Variants in KMT2C observed in about 807,000 individuals in gnomAD.
KMT2C encodes lysine methyltransferase 2C, also known as histone-lysine N-methyltransferase 2C.
A neutral mutation model predicts 507.9 loss-of-function variants in KMT2C; 88 were observed. The ratio of observed to expected loss-of-function variants is 0.17; its 90% CI spans 0.15 to 0.21. The LOEUF (loss-of-function observed/expected upper bound fraction) is 0.21, where lower values mean the gene tolerates loss of function less well. Ranked by LOEUF, KMT2C falls within the 10% of genes least tolerant of loss-of-function variation. The probability of loss-of-function intolerance (pLI) is 1.00; values close to 1 mark genes in which losing one functional copy is unlikely to be tolerated. For missense variants in KMT2C, 4,954 were observed against 5,957.8 expected (o/e 0.83, Z 5.55); for synonymous variants, 2,049 against 2,080.8 (o/e 0.98, Z 0.42).
chr7:152,276,565 C>G (rs2096083473), intron 6 of KMT2C, among the ~76,000 whole-genome samples: 1 of 152,012 alleles, frequency 6.6e-6, no homozygotes, highest in South Asian at 2.1e-4. Flanking sequence ...CCAGCCTGGG[C>G]AACATGGTGA....
chr7:152,165,423 T>C (rs997745708), intron 42 of KMT2C, among the ~76,000 whole-genome samples: 1 of 152,150 alleles, frequency 6.6e-6, no homozygotes, highest in Admixed American at 6.5e-5. Context: ...GCAATGAAAG[T>C]GCTAAAAAAA....
intron 2 of KMT2C, among the ~76,000 whole-genome samples, chr7:152,334,763 G>A (rs1175985480): frequency 1.3e-5 from 2 of 152,220 alleles, no homozygotes; most frequent in Admixed American, 6.5e-5. Context: ...ATGGCAGAGA[G>A]ACAAGACAGA....
intron 6 of KMT2C, among the ~76,000 whole-genome samples, chr7:152,305,825 T>C (rs934506609): frequency 2.0e-5 from 3 of 152,192 alleles, no homozygotes; most frequent in Non-Finnish European, 2.9e-5. Flanking sequence ...GCTTACCTTG[T>C]ATTTTCTCTG....
At chr7:152,226,334 A>G (rs1003182566) in intron 18 of KMT2C, among the ~76,000 whole-genome samples, 2 of 150,130 alleles carry the variant, frequency 1.3e-5, no homozygotes, top group African/African-American at 4.9e-5. Flanking sequence ...CCATGTTCAA[A>G]TAATTCTCCT....
chr7:152,410,170 G>A (rs1437007175), intron 1 of KMT2C, among the ~76,000 whole-genome samples: 4 of 152,032 alleles, frequency 2.6e-5, no homozygotes, highest in Non-Finnish European at 5.9e-5. Context: ...CTAGCACTTT[G>A]GGAGGCCAAG....
chr7:152,423,092 A>G (rs866918968), intron 1 of KMT2C, among the ~76,000 whole-genome samples: 2 of 152,030 alleles, frequency 1.3e-5, no homozygotes, highest in Admixed American at 6.6e-5. Flanking sequence ...TGTAATTCCA[A>G]AACTTTGGGA....
intron 6 of KMT2C, among the ~76,000 whole-genome samples, chr7:152,290,258 G>GTGTGTGTGTATATA (rs1337492088): frequency 3.4e-4 from 9 of 26,242 alleles, no homozygotes; most frequent in African/African-American, 1.3e-3. Context: ...GTGTGTATGT[G>GTGTGTGTGTATATA]TATATATATA....
intron 23 of KMT2C, among the ~76,000 whole-genome samples, chr7:152,213,645 T>C (rs1200051815): frequency 6.6e-6 from 1 of 151,972 alleles, no homozygotes; most frequent in African/African-American, 2.4e-5. Context: ...CTCCTTGATA[T>C]CCTCCTTGAC....
chr7:152,397,834 C>A (rs762529015), intron 1 of KMT2C, among the ~76,000 whole-genome samples: 1 of 152,126 alleles, frequency 6.6e-6, no homozygotes, highest in Non-Finnish European at 1.5e-5. Context: ...GTAAGACATG[C>A]CTTCTGCTGT....
At chr7:152,315,551 A>T (rs2096714454) in intron 3 of KMT2C, among the ~76,000 whole-genome samples, 1 of 152,236 alleles carries the variant, frequency 6.6e-6, no homozygotes. Context: ...ATAGCATTTT[A>T]AAAAGTAGTA....
chr7:152,368,506 A>C, intron 1 of KMT2C: 1 of 1,331,388 alleles, frequency 7.5e-7, no homozygotes, highest in Non-Finnish European at 1.1e-6. Context: ...CCGTGAGCTA[A>C]TGAAAAAGAA....
chr7:152,211,103 T>G (rs1241826792), intron 23 of KMT2C, among the ~76,000 whole-genome samples: 1 of 152,148 alleles, frequency 6.6e-6, no homozygotes, highest in East Asian at 1.9e-4. Context: ...CTCATGAAAT[T>G]TTAGAACACT....
intron 2 of KMT2C, among the ~76,000 whole-genome samples, chr7:152,344,493 C>T (rs1329727372): frequency 3.3e-5 from 5 of 152,094 alleles, no homozygotes; most frequent in Admixed American, 6.5e-5. Flanking sequence ...TTTCAGACCA[C>T]GGTTAACTGG....
chr7:152,427,976 G>C (rs2097835825), intron 1 of KMT2C, among the ~76,000 whole-genome samples: 3 of 152,002 alleles, frequency 2.0e-5, no homozygotes. Context: ...TATTGTAACA[G>C]CCTATTATCT....
At chr7:152,427,729 A>C (rs2097832564) in intron 1 of KMT2C, among the ~76,000 whole-genome samples, 1 of 152,146 alleles carries the variant, frequency 6.6e-6, no homozygotes, top group South Asian at 2.1e-4. Flanking sequence ...ACTAATTCCC[A>C]TACGCCATAT....
At position 152,280,014 on chromosome 7, in the gene KMT2C, G is replaced by T. The variant is rs370172509; in HGVS notation, c.850-6147C>A. Reference sequence around the variant, plus strand: ...TATGGCAAAGGAATTCTGCAGATGTGATTAAAGCCACCAATCAACTGCCTT... The same window carrying T: ...TATGGCAAAGGAATTCTGCAGATGTTATTAAAGCCACCAATCAACTGCCTT... On this transcript the variant is annotated intron_variant, in intron 6 of 58. Transcript: ENST00000262189. 2.8e-4 allele frequency among the ~76,000 whole-genome samples: 42 copies of T among 152,410 alleles called. No homozygotes were observed. The East Asian group carries it at 6.4e-3, about 23-fold the overall frequency.
At chr7:152,343,340 C>T (rs1201839928) in intron 2 of KMT2C, among the ~76,000 whole-genome samples, 1 of 150,764 alleles carries the variant, frequency 6.6e-6, no homozygotes, top group Non-Finnish European at 1.5e-5. Flanking sequence ...ATGATGAATG[C>T]TTTTAGTGGG....
At chr7:152,310,112 A>T in intron 5 of KMT2C, 37 bp from the exon 6 acceptor site, 1 of 1,365,704 alleles carries the variant, frequency 7.3e-7, no homozygotes, top group Non-Finnish European at 1.0e-6. Flanking sequence ...AAATGAGCAA[A>T]CATTAAAAAA....
At chr7:152,398,752 G>A (rs944530077) in intron 1 of KMT2C, among the ~76,000 whole-genome samples, 1 of 152,034 alleles carries the variant, frequency 6.6e-6, no homozygotes, top group Non-Finnish European at 1.5e-5. Context: ...TTACCAGAAT[G>A]TATTACATTC....
Sources: allele counts gnomAD v4.1 joint callset (sites outside exome capture counted in the v4.1 genomes callset), GRCh38; gene constraint gnomAD v4.1.1; transcripts MANE v1.5; gene names NCBI Gene and HGNC (gene_info 2026-07-23, HGNC 2026-07-21).